Variants in P3H2 observed in about 807,000 individuals in gnomAD.
P3H2 encodes the protein prolyl 3-hydroxylase 2, also known as leprecan-like 1.
A neutral mutation model predicts 87.0 loss-of-function variants in P3H2; 80 were observed. The ratio of observed to expected loss-of-function variants is 0.92; its 90% CI spans 0.77 to 1.11. The LOEUF (loss-of-function observed/expected upper bound fraction) is 1.11, where lower values mean the gene tolerates loss of function less well. Ranked by LOEUF, P3H2 falls within the 50% of genes least tolerant of loss-of-function variation. The probability of loss-of-function intolerance (pLI) is 0.00; values close to 1 mark genes in which losing one functional copy is unlikely to be tolerated. For missense variants in P3H2, 1,001 were observed against 923.9 expected, an observed-to-expected ratio of 1.08 and a Z score of -1.08; for synonymous variants, 367 against 359.3, an observed-to-expected ratio of 1.02 and a Z score of -0.24.
chr3:190,083,477 T>C (rs1390519630), intron 1 of P3H2, among the ~76,000 whole-genome samples: 1 of 152,192 alleles, frequency 6.6e-6, no homozygotes, highest in Non-Finnish European at 1.5e-5. Context: ...ATGAAAAGGA[T>C]CAAACCATTT....
At chr3:190,022,050 G>C (rs1325059792) in intron 1 of P3H2, among the ~76,000 whole-genome samples, 1 of 134,722 alleles carries the variant, frequency 7.4e-6, no homozygotes, top group Non-Finnish European at 1.7e-5. Context: ...TGTTCTTCTA[G>C]GAATGTACAA....
chr3:190,050,310 C>A (rs1233162322), intron 1 of P3H2, among the ~76,000 whole-genome samples: 1 of 152,118 alleles, frequency 6.6e-6, no homozygotes, highest in Non-Finnish European at 1.5e-5. Context: ...CCTGCAATAG[C>A]TTTTTAGATA....
intron 2 of P3H2, 70 bp from the exon 3 acceptor site, chr3:189,994,353 A>G (rs908008545): frequency 7.5e-7 from 1 of 1,331,204 alleles, no homozygotes; most frequent in Non-Finnish European, 1.1e-6. Flanking sequence ...CTTATTTTCA[A>G]AGAGAAGGGT....
At chr3:190,020,702 T>A (rs1483951865) in intron 1 of P3H2, among the ~76,000 whole-genome samples, 4 of 133,332 alleles carry the variant, frequency 3.0e-5, no homozygotes, top group Non-Finnish European at 6.7e-5. Context: ...GTGTGGTGAT[T>A]TTTCCTATGC....
rs932684321 is a variant in P3H2 at position 190,015,975 on chromosome 3, G to A, written c.481-20533C>T. ...TGTATCTGCGTTGGAGGGTGGGGGT[G>A]CTTGCATTCTACTTCTTGACTATTT... On this transcript the variant is annotated intron_variant, in intron 1 of 14. Transcript: ENST00000319332. Among the ~76,000 whole-genome samples, 11 of 152,262 alleles carry A rather than the reference G, an allele frequency of 7.2e-5. No individual in the cohort carries two copies. In the East Asian group the frequency reaches 1.9e-3, roughly 27 times the overall value.
At chr3:189,969,865 C>T (rs559267015) in intron 13 of P3H2, 88 of 1,357,908 alleles carry the variant, frequency 6.5e-5, no homozygotes, top group East Asian at 9.2e-5. Context: ...AGGCCATGTC[C>T]GCACAGGAAA....
intron 1 of P3H2, among the ~76,000 whole-genome samples, chr3:190,096,022 A>G (rs1376591590): frequency 1.3e-5 from 2 of 152,186 alleles, no homozygotes; most frequent in Non-Finnish European, 2.9e-5. Context: ...TTGATGCCCT[A>G]TCTTGGATTC....
chr3:190,058,063 A>T (rs892432799), intron 1 of P3H2, among the ~76,000 whole-genome samples: 1 of 152,142 alleles, frequency 6.6e-6, no homozygotes, highest in African/African-American at 2.4e-5. Flanking sequence ...AACACCAAAA[A>T]ATAAAATAAA....
intron 14 of P3H2, among the ~76,000 whole-genome samples, chr3:189,959,350 A>G (rs1046013708): frequency 6.5e-4 from 98 of 150,148 alleles, no homozygotes; most frequent in African/African-American, 2.3e-3. Context: ...GGTGCGCTGC[A>G]CCCACTAACT....
At chr3:190,067,543 G>A (rs1726551059) in intron 1 of P3H2, among the ~76,000 whole-genome samples, 1 of 152,014 alleles carries the variant, frequency 6.6e-6, no homozygotes, top group Non-Finnish European at 1.5e-5. Context: ...TTTCTCTAGA[G>A]TTTTGCTTTT....
At chr3:189,974,364 A>C (rs1341938702) in intron 9 of P3H2, among the ~76,000 whole-genome samples, 194 bp downstream of exon 9, 4 of 152,188 alleles carry the variant, frequency 2.6e-5, no homozygotes, top group Non-Finnish European at 5.9e-5. Context: ...GCTATTCCAG[A>C]TCCCACCCGG....
chr3:190,000,477 T>C (rs1323702952), intron 1 of P3H2, among the ~76,000 whole-genome samples: 1 of 152,150 alleles, frequency 6.6e-6, no homozygotes, highest in Non-Finnish European at 1.5e-5. Flanking sequence ...AATAAATAAG[T>C]AAGGAAAGTA....
chr3:190,106,859 AG>A (rs1386678321), intron 1 of P3H2, among the ~76,000 whole-genome samples: 3 of 152,236 alleles, frequency 2.0e-5, no homozygotes, highest in African/African-American at 7.2e-5. Flanking sequence ...AGAATATACT[AG>A]AGTTTGGATC....
intron 1 of P3H2, among the ~76,000 whole-genome samples, chr3:190,105,170 T>C (rs1243937835): frequency 6.6e-6 from 1 of 152,188 alleles, no homozygotes. Context: ...AAATACAACC[T>C]CTACATTAGG....
intron 1 of P3H2, among the ~76,000 whole-genome samples, chr3:190,015,477 A>G (rs1724723062): frequency 6.6e-6 from 1 of 152,114 alleles, no homozygotes; most frequent in Non-Finnish European, 1.5e-5. Flanking sequence ...ACTGATTCCA[A>G]CCCACGGTTT....
chr3:189,981,063 C>G (rs184282261), intron 8 of P3H2, among the ~76,000 whole-genome samples: 1 of 152,206 alleles, frequency 6.6e-6, no homozygotes, highest in South Asian at 2.1e-4. Context: ...CATGGAAGCT[C>G]CTCCTGCCAT....
chr3:190,039,338 AC>A (rs5855296), intron 1 of P3H2, among the ~76,000 whole-genome samples: 122,401 of 152,080 alleles, frequency 0.8, 49,320 homozygotes, highest in East Asian at 0.86. Context: ...AAATGAAAGC[AC>A]ATATTCAATT....
chr3:190,119,862 G>A (rs1195409990), intron 1 of P3H2, among the ~76,000 whole-genome samples: 1 of 151,252 alleles, frequency 6.6e-6, no homozygotes, highest in Non-Finnish European at 1.5e-5. Flanking sequence ...AAAAGAAATG[G>A]GAAGTGAGAA....
At chr3:190,119,656 AC>A (rs1712454488) in intron 1 of P3H2, among the ~76,000 whole-genome samples, 1 of 152,216 alleles carries the variant, frequency 6.6e-6, no homozygotes, top group African/African-American at 2.4e-5. Flanking sequence ...TTTGACTGAG[AC>A]TGCCTCAAAC....
Sources: gnomAD v4.1 joint callset for allele counts (sites outside exome capture counted in the v4.1 genomes callset) on GRCh38, gnomAD v4.1.1 for gene constraint, MANE v1.5 for transcripts, NCBI Gene and HGNC (gene_info 2026-07-23, HGNC 2026-07-21) for gene names.